OTUD7A: variants seen among roughly 807,000 people sequenced by gnomAD.
OTUD7A encodes OTU deubiquitinase 7A.
In OTUD7A, 12 loss-of-function variants were observed where a neutral mutation model predicts 65.7. That is an observed-to-expected ratio of 0.18 (90% confidence interval 0.12 to 0.30). The LOEUF (loss-of-function observed/expected upper bound fraction) is 0.30. Among genes scored for constraint, OTUD7A ranks in the 10% least tolerant of loss-of-function variants. The pLI is 1.00. For missense variants in OTUD7A, 1,148 were observed against 1,304.8 expected (o/e 0.88, Z 1.85); for synonymous variants, 641 against 586.3 (o/e 1.09, Z -1.35).
chr15:31,778,843 G>T (rs1895462105), intron 1 of OTUD7A, among the ~76,000 whole-genome samples: 1 of 152,150 alleles, frequency 6.6e-6, no homozygotes, highest in Middle Eastern at 3.4e-3. Context: ...CCATCATCAA[G>T]TATAATGTCT....
chr15:31,512,796 T>C (rs1252694093), intron 8 of OTUD7A, among the ~76,000 whole-genome samples: 1 of 152,216 alleles, frequency 6.6e-6, no homozygotes, highest in Non-Finnish European at 1.5e-5. Flanking sequence ...AAGGCAAATA[T>C]TTAGGTTAAA....
intron 1 of OTUD7A, among the ~76,000 whole-genome samples, chr15:31,659,037 G>GAATAAATAAATA (rs1555405822): frequency 2.5e-5 from 3 of 118,566 alleles, no homozygotes; most frequent in Non-Finnish European, 5.1e-5. Context: ...ATGAATGAAT[G>GAATAAATAAATA]AATGAATAAA....
chr15:31,549,199 G>A (rs910759417), intron 5 of OTUD7A, among the ~76,000 whole-genome samples: 1 of 151,456 alleles, frequency 6.6e-6, no homozygotes, highest in Non-Finnish European at 1.5e-5. Flanking sequence ...TAGGCACAGT[G>A]TGCTGTAACA....
chr15:31,622,039 A>G (rs1324843515), intron 3 of OTUD7A, among the ~76,000 whole-genome samples: 2 of 152,148 alleles, frequency 1.3e-5, no homozygotes, highest in Non-Finnish European at 2.9e-5. Context: ...GTTTGGCTGG[A>G]TATGAAATTC....
intron 1 of OTUD7A, among the ~76,000 whole-genome samples, chr15:31,681,672 C>T (rs538298277): frequency 5.5e-4 from 83 of 151,984 alleles, no homozygotes; most frequent in African/African-American, 1.8e-3. Flanking sequence ...TCTAATTTCT[C>T]TCTGACAGTC....
At chr15:31,660,141 T>C (rs1249901757) in intron 1 of OTUD7A, among the ~76,000 whole-genome samples, 514 of 146,798 alleles carry the variant, frequency 3.5e-3, no homozygotes, top group African/African-American at 0.013. Context: ...CATACATTTA[T>C]ACATCCCTGT....
At chr15:31,755,464 G>A (rs1191779748) in intron 1 of OTUD7A, among the ~76,000 whole-genome samples, 1 of 152,192 alleles carries the variant, frequency 6.6e-6, no homozygotes, top group African/African-American at 2.4e-5. Flanking sequence ...GCTCACGCCT[G>A]TAATACCAGC....
chr15:31,785,606 T>G (rs1025334051), intron 1 of OTUD7A, among the ~76,000 whole-genome samples: 2 of 152,142 alleles, frequency 1.3e-5, no homozygotes, highest in African/African-American at 4.8e-5. Flanking sequence ...CCCCCAAAAC[T>G]TGATGCCTTC....
chr15:31,689,855 T>C (rs1381559410), intron 1 of OTUD7A, among the ~76,000 whole-genome samples: 2 of 152,162 alleles, frequency 1.3e-5, no homozygotes, highest in Non-Finnish European at 2.9e-5. Flanking sequence ...CACTGAACTC[T>C]GACTTCTAAG....
At chr15:31,489,322 G>A (rs2041284508) in intron 10 of OTUD7A, among the ~76,000 whole-genome samples, 1 of 152,204 alleles carries the variant, frequency 6.6e-6, no homozygotes, top group African/African-American at 2.4e-5. Context: ...ATCTCCTGTG[G>A]CTTTTAAAAT....
intron 1 of OTUD7A, among the ~76,000 whole-genome samples, chr15:31,787,111 T>C (rs1156673007): frequency 1.3e-5 from 2 of 152,158 alleles, no homozygotes; most frequent in Admixed American, 6.5e-5. Flanking sequence ...GCTCCAGAAA[T>C]GTTGTACCAG....
intron 3 of OTUD7A, among the ~76,000 whole-genome samples, chr15:31,631,159 G>T (rs1054764378): frequency 6.6e-6 from 1 of 152,194 alleles, no homozygotes; most frequent in African/African-American, 2.4e-5. Flanking sequence ...TTGATCGTTA[G>T]TTGATGCAGT....
At chr15:31,553,844 T>G (rs1241952521) in intron 5 of OTUD7A, among the ~76,000 whole-genome samples, 2 of 152,064 alleles carry the variant, frequency 1.3e-5, no homozygotes, top group African/African-American at 4.8e-5. Context: ...CTCTTCCAGC[T>G]TCTTCTCTTA....
chr15:31,612,120 G>A (rs7168719), intron 3 of OTUD7A, among the ~76,000 whole-genome samples: 6,899 of 152,026 alleles, frequency 0.045, 294 homozygotes, highest in African/African-American at 0.12. Context: ...TAAAACTCTT[G>A]GCAAAATCAG....
chr15:31,780,668 ATCT>A (rs1044518061), intron 1 of OTUD7A, among the ~76,000 whole-genome samples: 1 of 152,250 alleles, frequency 6.6e-6, no homozygotes, highest in Non-Finnish European at 1.5e-5. Flanking sequence ...ATTGAAAGAG[ATCT>A]TCTTTAATAA....
intron 3 of OTUD7A, among the ~76,000 whole-genome samples, chr15:31,605,021 A>G (rs1383453530): frequency 6.6e-6 from 1 of 152,242 alleles, no homozygotes; most frequent in Non-Finnish European, 1.5e-5. Flanking sequence ...CTCTGGGTGC[A>G]GTGTGGCTAG....
intron 1 of OTUD7A, among the ~76,000 whole-genome samples, chr15:31,713,137 T>C (rs962039153): frequency 6.6e-6 from 1 of 152,302 alleles, no homozygotes; most frequent in East Asian, 1.9e-4. Context: ...GCTGAGTCCA[T>C]GGGAAAGCCA....
chr15:31,610,617 A>ATTTTTTTTTTTTTTTTTTTTTTTTT (rs58099939), intron 3 of OTUD7A, among the ~76,000 whole-genome samples: 1 of 30,562 alleles, frequency 3.3e-5, no homozygotes, highest in Non-Finnish European at 4.9e-5. Flanking sequence ...ATATATATAT[A>ATTTTTTTTTTTTTTTTTTTTTTTTT]TTTTTTTTTT....
rs114968866 is a variant in OTUD7A at position 31,837,964 on chromosome 15, A to C, written c.-100+32543T>G. 7.0e-3 allele frequency among the ~76,000 whole-genome samples: 1,066 copies of C among 152,364 alleles called. 15 individuals carry two copies. Among genetic ancestry groups the C allele is most frequent in the African/African-American group, 0.025 (1,026 of 41,584 alleles). Reference sequence around the variant, plus strand: ...CAATGGAACAGAATTAAACAACATAAATAGATCCATACAAGTACAGCCAAC... The same window carrying C: ...CAATGGAACAGAATTAAACAACATACATAGATCCATACAAGTACAGCCAAC... On this transcript the variant is annotated intron_variant, in intron 1 of 12. Coordinates refer to ENST00000307050, the MANE Select transcript of OTUD7A (RefSeq NM_001382637.1).
Sources: allele counts gnomAD v4.1 joint callset (sites outside exome capture counted in the v4.1 genomes callset), GRCh38; gene constraint gnomAD v4.1.1; transcripts MANE v1.5; gene names NCBI Gene and HGNC (gene_info 2026-07-23, HGNC 2026-07-21).